GALNT17: variants seen among roughly 807,000 people sequenced by gnomAD.
GALNT17 encodes UDP-GalNAc:polypeptide N-acetylgalactosaminyltransferase-like 3.
GALNT17 carries 29 observed loss-of-function variants against 63.7 expected under a neutral mutation model. The ratio of observed to expected loss-of-function variants is 0.46; its 90% CI spans 0.34 to 0.62. GALNT17 has a LOEUF of 0.62. Among genes scored for constraint, GALNT17 ranks in the 20% least tolerant of loss-of-function variants. The probability of loss-of-function intolerance (pLI) is 0.01; values close to 1 mark genes in which losing one functional copy is unlikely to be tolerated. For synonymous variants in GALNT17, 305 were observed against 318.3 expected (o/e 0.96, Z 0.45); for missense variants, 603 against 799.6 (o/e 0.75, Z 2.97).
chr7:71,553,100 G>A (rs894897597), intron 5 of GALNT17, among the ~76,000 whole-genome samples: 9 of 152,188 alleles, frequency 5.9e-5, no homozygotes, highest in Middle Eastern at 3.4e-3. Flanking sequence ...CAAGGTGGGC[G>A]GATTGCCTGA....
At chr7:71,279,592 C>T (rs754198852) in intron 1 of GALNT17, among the ~76,000 whole-genome samples, 2 of 151,992 alleles carry the variant, frequency 1.3e-5, no homozygotes. Flanking sequence ...ACAAGGACTA[C>T]ATTTCCAAAT....
At chr7:71,653,350 T>A (rs115873507) in intron 6 of GALNT17, among the ~76,000 whole-genome samples, 2,900 of 151,950 alleles carry the variant, frequency 0.019, 103 homozygotes, top group African/African-American at 0.067. Flanking sequence ...AGGCAGAGGT[T>A]ACAGGCAAAG....
intron 9 of GALNT17, among the ~76,000 whole-genome samples, chr7:71,699,279 A>G (rs1007639001): frequency 1.3e-5 from 2 of 151,648 alleles, no homozygotes; most frequent in African/African-American, 4.8e-5. Flanking sequence ...AGATATCGAT[A>G]CCATTCTGGC....
chr7:71,333,383 G>T (rs143487640), intron 1 of GALNT17, among the ~76,000 whole-genome samples: 1 of 151,990 alleles, frequency 6.6e-6, no homozygotes, highest in Non-Finnish European at 1.5e-5. Flanking sequence ...ACTATATTTT[G>T]TTTCTCCAGT....
At chr7:71,339,183 G>C (rs575471185) in intron 2 of GALNT17, among the ~76,000 whole-genome samples, 1 of 152,204 alleles carries the variant, frequency 6.6e-6, no homozygotes, top group Non-Finnish European at 1.5e-5. Context: ...TTATGAGCCA[G>C]ATAGTTTTCT....
At chr7:71,340,766 G>T (rs1791993061) in intron 2 of GALNT17, among the ~76,000 whole-genome samples, 1 of 152,152 alleles carries the variant, frequency 6.6e-6, no homozygotes, top group Admixed American at 6.5e-5. Context: ...AGGTGCAGTG[G>T]CTCATGGCTG....
At chr7:71,220,527 C>T (rs1789564013) in intron 1 of GALNT17, among the ~76,000 whole-genome samples, 1 of 152,192 alleles carries the variant, frequency 6.6e-6, no homozygotes, top group African/African-American at 2.4e-5. Flanking sequence ...TGCTCTAACT[C>T]ACCCTAAATA....
At chr7:71,246,687 G>C (rs895937702) in intron 1 of GALNT17, among the ~76,000 whole-genome samples, 1 of 151,628 alleles carries the variant, frequency 6.6e-6, no homozygotes, top group African/African-American at 2.4e-5. Flanking sequence ...AAAATTAGCC[G>C]GGCATGTGGC....
chr7:71,370,339 C>T (rs892264035), intron 2 of GALNT17, among the ~76,000 whole-genome samples: 7 of 152,066 alleles, frequency 4.6e-5, no homozygotes, highest in Admixed American at 1.3e-4. Flanking sequence ...CTTTTTGAGG[C>T]GGGGGCTGAA....
chr7:71,151,807 T>C (rs537488346), intron 1 of GALNT17, among the ~76,000 whole-genome samples: 2 of 152,238 alleles, frequency 1.3e-5, no homozygotes, highest in African/African-American at 4.8e-5. Flanking sequence ...AATATATGCA[T>C]TGTCTTTGTT....
At chr7:71,512,631 T>C (rs1313748517) in intron 5 of GALNT17, among the ~76,000 whole-genome samples, 1 of 152,188 alleles carries the variant, frequency 6.6e-6, no homozygotes, top group East Asian at 1.9e-4. Flanking sequence ...GAGAGACCAT[T>C]GAGGCTGGAG....
At chr7:71,394,124 CAAG>C (rs1443466670) in intron 3 of GALNT17, among the ~76,000 whole-genome samples, 1 of 152,092 alleles carries the variant, frequency 6.6e-6, no homozygotes, top group African/African-American at 2.4e-5. Flanking sequence ...GTAGACTGTA[CAAG>C]AAGCATGATG....
intron 1 of GALNT17, among the ~76,000 whole-genome samples, chr7:71,330,730 C>T (rs188323463): frequency 5.3e-5 from 8 of 152,286 alleles, no homozygotes; most frequent in Admixed American, 2.0e-4. Context: ...ACATTTCTCT[C>T]TTCCTTAAGT....
intron 1 of GALNT17, among the ~76,000 whole-genome samples, chr7:71,183,767 G>A (rs528231468): frequency 5.5e-4 from 83 of 152,140 alleles, no homozygotes; most frequent in Middle Eastern, 3.4e-3. Flanking sequence ...GCGTGATGGC[G>A]GGTGCCTGTA....
At chr7:71,287,718 T>C (rs56374809) in intron 1 of GALNT17, among the ~76,000 whole-genome samples, 11,276 of 152,206 alleles carry the variant, frequency 0.074, 1,381 homozygotes, top group African/African-American at 0.25. Flanking sequence ...TGTGTTCTTA[T>C]AATCAAGAAG....
At position 71,297,659 on chromosome 7, in the gene GALNT17, A is replaced by G. The variant is rs996999933; in HGVS notation, c.239-37891A>G. On this transcript the variant is annotated intron_variant, in intron 1 of 10. Transcript: ENST00000333538. ...GAATGTTCATAGCAGCCTTTCTCAT[A>G]ATAGCTCCAAAGTGGAAACAACCCA... Among the ~76,000 whole-genome samples, 5 of 152,312 alleles carry G rather than the reference A, an allele frequency of 3.3e-5. No homozygotes were observed. In the East Asian group the frequency reaches 7.7e-4, roughly 23 times the overall value.
chr7:71,225,524 A>G (rs1439498275), intron 1 of GALNT17, among the ~76,000 whole-genome samples: 1 of 152,236 alleles, frequency 6.6e-6, no homozygotes, highest in Non-Finnish European at 1.5e-5. Flanking sequence ...AGAAACGCCA[A>G]TTAAGTTCAG....
intron 3 of GALNT17, among the ~76,000 whole-genome samples, chr7:71,413,483 G>T (rs111844643): frequency 6.6e-6 from 1 of 151,510 alleles, no homozygotes; most frequent in Admixed American, 6.6e-5. Flanking sequence ...CTCCTGCCTC[G>T]GCCTCCCGAG....
At chr7:71,546,893 GT>G (rs1788994131) in intron 5 of GALNT17, among the ~76,000 whole-genome samples, 2 of 152,124 alleles carry the variant, frequency 1.3e-5, no homozygotes, top group African/African-American at 4.8e-5. Flanking sequence ...TCTTTTATGG[GT>G]CCACTTACCC....
Sources: allele counts gnomAD v4.1 joint callset (sites outside exome capture counted in the v4.1 genomes callset), GRCh38; gene constraint gnomAD v4.1.1; transcripts MANE v1.5; gene names NCBI Gene and HGNC (gene_info 2026-07-23, HGNC 2026-07-21).